The following ZBTB8A variants were observed in gnomAD, a reference collection of about 807,000 sequenced individuals.
The protein encoded by ZBTB8A is zinc finger and BTB domain-containing protein 8A.
ZBTB8A carries 19 observed loss-of-function variants against 37.8 expected under a neutral mutation model. That is an observed-to-expected ratio of 0.50 (90% confidence interval 0.35 to 0.74). The LOEUF is 0.74. Among genes scored for constraint, ZBTB8A ranks in the 30% least tolerant of loss-of-function variants. The pLI, the probability that ZBTB8A is intolerant of heterozygous loss-of-function variation, is 0.01. For missense variants in ZBTB8A, 394 were observed against 537.8 expected, an observed-to-expected ratio of 0.73 and a Z score of 2.65; for synonymous variants, 181 against 185.2, an observed-to-expected ratio of 0.98 and a Z score of 0.19.
intron 2 of ZBTB8A, among the ~76,000 whole-genome samples, chr1:32,567,475 G>A (rs558321724): frequency 1.3e-5 from 2 of 152,088 alleles, no homozygotes; most frequent in South Asian, 2.1e-4. Context: ...AAATTCTTTT[G>A]TTTCTAGGTT....
intron 2 of ZBTB8A, 24 bp from the exon 3 acceptor site, chr1:32,592,907 C>T: frequency 6.4e-7 from 1 of 1,554,020 alleles, no homozygotes; most frequent in Non-Finnish European, 8.7e-7. Context: ...GTTTTGGTAA[C>T]CACATGTGTC....
intron 2 of ZBTB8A, among the ~76,000 whole-genome samples, chr1:32,582,490 A>T (rs769973357): frequency 2.0e-5 from 3 of 152,126 alleles, no homozygotes; most frequent in Admixed American, 6.6e-5. Flanking sequence ...TCTACTAAAC[A>T]TACAAAAATT....
rs1644117919 is a variant in ZBTB8A at position 32,547,770 on chromosome 1, C to G, written c.-83-5689C>G. ...GCTGCAGTGAGCTGTGATCTCACCACTGCACTCCAGCCTGAGCAACAGAGA... is the reference window on the plus strand; with the variant it reads ...GCTGCAGTGAGCTGTGATCTCACCAGTGCACTCCAGCCTGAGCAACAGAGA... On this transcript the variant is annotated intron_variant, in intron 1 of 4. Transcript: ENST00000373510. 2.8e-5 allele frequency among the ~76,000 whole-genome samples: 4 copies of G among 144,898 alleles called. No homozygotes were observed. In the Admixed American group the frequency reaches 2.9e-4, roughly 10 times the overall value.
chr1:32,565,656 A>T (rs1412175295), intron 2 of ZBTB8A, among the ~76,000 whole-genome samples: 2 of 152,132 alleles, frequency 1.3e-5, no homozygotes, highest in Non-Finnish European at 2.9e-5. Context: ...GTCTTTAAAA[A>T]ATTTTTTTTA....
At chr1:32,575,510 C>G (rs1454143498) in intron 2 of ZBTB8A, among the ~76,000 whole-genome samples, 1 of 151,832 alleles carries the variant, frequency 6.6e-6, no homozygotes, top group Non-Finnish European at 1.5e-5. Context: ...CAGGCGTGAG[C>G]CACCGCGCCC....
At chr1:32,558,147 GAGGGAAGT>G (rs764503116) in intron 2 of ZBTB8A, among the ~76,000 whole-genome samples, 2 of 152,098 alleles carry the variant, frequency 1.3e-5, no homozygotes, top group Admixed American at 1.3e-4. Flanking sequence ...GGGGGAAAAG[GAGGGAAGT>G]AGGGAAGTAG....
At chr1:32,591,991 C>T (rs541721070) in intron 2 of ZBTB8A, among the ~76,000 whole-genome samples, 35 of 152,146 alleles carry the variant, frequency 2.3e-4, no homozygotes, top group African/African-American at 8.2e-4. Context: ...TACAGGCACG[C>T]ACCACCATGC....
chr1:32,540,771 G>GC, intron 1 of ZBTB8A, among the ~76,000 whole-genome samples: 1 of 152,354 alleles, frequency 6.6e-6, no homozygotes, highest in African/African-American at 2.4e-5. Flanking sequence ...TGGAGCAAGA[G>GC]CCCCTCACTG....
chr1:32,577,418 G>A (rs913403578), intron 2 of ZBTB8A, among the ~76,000 whole-genome samples: 27 of 151,442 alleles, frequency 1.8e-4, no homozygotes, highest in African/African-American at 6.5e-4. Context: ...CCAAAGTGCT[G>A]GGATTACAGG....
At chr1:32,583,828 C>G (rs139628431) in intron 2 of ZBTB8A, among the ~76,000 whole-genome samples, 27 of 152,128 alleles carry the variant, frequency 1.8e-4, no homozygotes, top group Admixed American at 3.3e-4. Context: ...ACTGCAACCT[C>G]CGCCACCCAG....
In ZBTB8A at chr1:32,601,827, A is replaced by G. The variant is rs1372450785; in HGVS notation, c.*1408A>G. ...ATTGAATCATTTTCAACAACATACAATATCTTGATCTAGAGATTTTCAAAT... is the reference window on the plus strand; with the variant it reads ...ATTGAATCATTTTCAACAACATACAGTATCTTGATCTAGAGATTTTCAAAT... On this transcript the variant is annotated 3_prime_UTR_variant, in exon 5 of 5. Transcript: ENST00000373510. The G allele has an allele frequency of 2.5e-6, 1 of 396,626 alleles. No individual in the cohort carries two copies. Among genetic ancestry groups the G allele is most frequent in the Non-Finnish European group, 4.4e-6 (1 of 225,336 alleles). The allele number at this position is 396,626 out of a possible 1,614,324, so 24.6% of individuals were successfully genotyped here. A position where few individuals can be genotyped will look rare whatever the true frequency, so the allele number is the denominator to read the frequency against.
chr1:32,589,404 C>T (rs754651046), intron 2 of ZBTB8A, among the ~76,000 whole-genome samples: 1 of 151,892 alleles, frequency 6.6e-6, no homozygotes, highest in Non-Finnish European at 1.5e-5. Flanking sequence ...GCACCTGCCA[C>T]CACACCCAGC....
In ZBTB8A at chr1:32,575,749, G is replaced by C. The variant is rs550862105; in HGVS notation, c.-1-17182G>C. 1.3e-3 allele frequency among the ~76,000 whole-genome samples: 205 copies of C among 152,048 alleles called. 1 individual carries two copies. Among genetic ancestry groups the C allele is most frequent in the African/African-American group, 4.6e-3 (192 of 41,504 alleles). ...CTCCTGTAGTCCCAGCTACTCGGGGGGCTGAGGTGGGAGGATCACTTGAGG... is the reference window on the plus strand; with the variant it reads ...CTCCTGTAGTCCCAGCTACTCGGGGCGCTGAGGTGGGAGGATCACTTGAGG... On this transcript the variant is annotated intron_variant, in intron 2 of 4. Coordinates refer to ENST00000373510, the MANE Select transcript of ZBTB8A (RefSeq NM_001040441.3).
At chr1:32,571,601 G>A (rs888226020) in intron 2 of ZBTB8A, among the ~76,000 whole-genome samples, 4 of 151,044 alleles carry the variant, frequency 2.6e-5, no homozygotes, top group African/African-American at 9.8e-5. Context: ...TTGAGACAAC[G>A]TCTTGCTCTG....
chr1:32,545,039 T>G (rs1025561990), intron 1 of ZBTB8A, among the ~76,000 whole-genome samples: 2 of 152,224 alleles, frequency 1.3e-5, no homozygotes, highest in African/African-American at 4.8e-5. Flanking sequence ...TGCTGGGTCA[T>G]ATGATAACTC....
rs1198746167 is a variant in ZBTB8A, at chr1:32,539,463, T to C, written c.-193T>C. ...TTTGTTTCTCTCACGTTGGGGCTAC[T>C]TGTTTTAGGGCGCAAAGGAACGGCC... On this transcript the variant is annotated 5_prime_UTR_variant, in exon 1 of 5. Coordinates refer to ENST00000373510, the MANE Select transcript of ZBTB8A (RefSeq NM_001040441.3). 2 of 152,516 alleles carry C rather than the reference T, an allele frequency of 1.3e-5. No homozygotes were observed. Among genetic ancestry groups the C allele is most frequent in the South Asian group, 2.1e-4 (1 of 4,836 alleles). The allele number at this position is 152,516 out of a possible 1,614,324, so 9.4% of individuals were successfully genotyped here. A position where few individuals can be genotyped will look rare whatever the true frequency, so the allele number is the denominator to read the frequency against.
chr1:32,555,095 A>T (rs1220231584), intron 2 of ZBTB8A, among the ~76,000 whole-genome samples: 1 of 152,136 alleles, frequency 6.6e-6, no homozygotes, highest in Non-Finnish European at 1.5e-5. Context: ...TGGGGATAAT[A>T]ATACCATCTC....
intron 2 of ZBTB8A, among the ~76,000 whole-genome samples, chr1:32,585,716 T>C (rs1170332478): frequency 6.6e-6 from 1 of 152,128 alleles, no homozygotes; most frequent in Non-Finnish European, 1.5e-5. Flanking sequence ...AAAATGTTAC[T>C]TGAAGCCAGC....
At chr1:32,576,216 A>G (rs538628957) in intron 2 of ZBTB8A, among the ~76,000 whole-genome samples, 3 of 152,330 alleles carry the variant, frequency 2.0e-5, no homozygotes, top group East Asian at 1.9e-4. Flanking sequence ...AGTAGTTGCA[A>G]TGGAGGCTAC....
Sources: gnomAD v4.1 joint callset for allele counts (sites outside exome capture counted in the v4.1 genomes callset) on GRCh38, gnomAD v4.1.1 for gene constraint, MANE v1.5 for transcripts, NCBI Gene and HGNC (gene_info 2026-07-23, HGNC 2026-07-21) for gene names.